The following TERC variants were observed in gnomAD, a reference collection of about 807,000 sequenced individuals.
TERC encodes the protein small Cajal body-specific RNA 19.
rs763886920 is a variant in TERC at position 169,765,017 on chromosome 3, C to T, written n.44G>A. ...TACGCCCTTCTCAGTTAGGGTTAGA[C>T]AAAAAATGGCCACCACCCCTCCCAG... On this transcript the variant is annotated non_coding_transcript_exon_variant, in exon 1 of 1. Transcript: ENST00000602385. The T allele has an allele frequency of 2.6e-6, 2 of 765,202 alleles. No homozygotes were observed. The highest frequency in any genetic ancestry group is 1.7e-5 in the African/African-American group (1 of 59,146). The allele number at this position is 765,202 out of a possible 1,614,324, so 47.4% of individuals were successfully genotyped here.
rs1777958465 is a variant in TERC at position 169,764,679 on chromosome 3, T to C, written n.382A>G. On this transcript the variant is annotated non_coding_transcript_exon_variant, in exon 1 of 1. Transcript: ENST00000602385. This position sits in a 1 kb window ranked among gnomAD's most constrained non-coding sequence, Gnocchi z 4.3. ...AATCGCGCCGCGCGCGGGGACTCGC[T>C]CCGTTCCTCTTCCTGCGGCCTGAAA... 1.3e-6 allele frequency: 1 copy of C among 760,890 alleles called. No individual in the cohort carries two copies. The highest frequency in any genetic ancestry group is 2.4e-6 in the Non-Finnish European group (1 of 415,778). The allele number at this position is 760,890 out of a possible 1,614,324, so 47.1% of individuals were successfully genotyped here.
chr3:169,764,817 G>A lies in TERC; in HGVS notation n.244C>T, dbSNP rs1304541099. ...CCGGGCCGACCGCGGCCTCCAGGCG[G>A]GGTTCGGGGGCTGGGCAGGCGACCC... On this transcript the variant is annotated non_coding_transcript_exon_variant, in exon 1 of 1. Coordinates refer to ENST00000602385, the Ensembl canonical transcript of TERC. The surrounding 1 kb of genome is among the most constrained non-coding windows in gnomAD (Gnocchi z 4.3). 2.7e-6 allele frequency: 2 copies of A among 728,400 alleles called. No homozygotes were observed. Among genetic ancestry groups the A allele is most frequent in the Non-Finnish European group, 5.0e-6 (2 of 398,844 alleles). The allele number at this position is 728,400 out of a possible 1,614,324, so 45.1% of individuals were successfully genotyped here.
rs745711557 is a variant in TERC, at chr3:169,764,968, C to G, written n.93G>C. 2 of 765,388 alleles carry G rather than the reference C, an allele frequency of 2.6e-6. No individual in the cohort carries two copies. Among genetic ancestry groups the G allele is most frequent in the African/African-American group, 1.7e-5 (1 of 59,168 alleles). 47.4% of individuals were successfully genotyped at this position (765,388 alleles called of 1,614,324 possible). ...CTGAAAGTCAGCGAGAAAAACAGCG[C>G]GCGGGGAGCAAAAGCACGGCGCCTA... On this transcript the variant is annotated non_coding_transcript_exon_variant, in exon 1 of 1. Transcript: ENST00000602385. This position sits in a 1 kb window ranked among gnomAD's most constrained non-coding sequence, Gnocchi z 4.3.
At position 169,764,765 on chromosome 3, in the gene TERC, G is replaced by A. The variant is rs2108182940; in HGVS notation, n.296C>T. 1 of 744,778 alleles carries A rather than the reference G, an allele frequency of 1.3e-6. No individual in the cohort carries two copies. Among genetic ancestry groups the A allele is most frequent in the Middle Eastern group, 2.4e-4 (1 of 4,204 alleles). 46.1% of individuals were successfully genotyped at this position (744,778 alleles called of 1,614,324 possible). A position where few individuals can be genotyped will look rare whatever the true frequency, so the allele number is the denominator to read the frequency against. On this transcript the variant is annotated non_coding_transcript_exon_variant, in exon 1 of 1. Coordinates refer to ENST00000602385, the Ensembl canonical transcript of TERC. The surrounding 1 kb of genome is among the most constrained non-coding windows in gnomAD (Gnocchi z 4.3). ...GGCTGACAGAGCCCAACTCTTCGCG[G>A]TGGCAGTGGGTGCCTCCGGAGAAGC...
rs760168757 is a variant in TERC, at chr3:169,764,862, G to A, written n.199C>T. On this transcript the variant is annotated non_coding_transcript_exon_variant, in exon 1 of 1. Transcript: ENST00000602385. The surrounding 1 kb of genome is among the most constrained non-coding windows in gnomAD (Gnocchi z 4.3). ...CGACCCGCCGCAGGTCCCCGGGAGGGGCGAACGGGCCAGCAGCTGACATTT... is the reference window on the plus strand; with the variant it reads ...CGACCCGCCGCAGGTCCCCGGGAGGAGCGAACGGGCCAGCAGCTGACATTT... 5.0e-5 allele frequency: 38 copies of A among 754,974 alleles called. No individual in the cohort carries two copies. Among genetic ancestry groups the A allele is most frequent in the South Asian group, 3.0e-4 (22 of 73,510 alleles). The allele number at this position is 754,974 out of a possible 1,614,324, so 46.8% of individuals were successfully genotyped here.
rs1777958283 is a variant in TERC, at chr3:169,764,671, G to T, written n.390C>A. On this transcript the variant is annotated non_coding_transcript_exon_variant, in exon 1 of 1. Transcript: ENST00000602385. This position sits in a 1 kb window ranked among gnomAD's most constrained non-coding sequence, Gnocchi z 4.3. ...GCTCAGGGAATCGCGCCGCGCGCGGGGACTCGCTCCGTTCCTCTTCCTGCG... is the reference window on the plus strand; with the variant it reads ...GCTCAGGGAATCGCGCCGCGCGCGGTGACTCGCTCCGTTCCTCTTCCTGCG... 1 of 753,836 alleles carries T rather than the reference G, an allele frequency of 1.3e-6. No individual in the cohort carries two copies. The highest frequency in any genetic ancestry group is 1.7e-5 in the African/African-American group (1 of 58,758). 46.7% of individuals were successfully genotyped at this position (753,836 alleles called of 1,614,324 possible).
chr3:169,764,629 T>C lies in TERC; in HGVS notation n.432A>G, dbSNP rs1479831336. On this transcript the variant is annotated non_coding_transcript_exon_variant, in exon 1 of 1. Transcript: ENST00000602385. This position sits in a 1 kb window ranked among gnomAD's most constrained non-coding sequence, Gnocchi z 4.3. ...CGAACTGCATGTGTGAGCCGAGTCC[T>C]GGGTGCACGTCCCACAGCTCAGGGA... The C allele has an allele frequency of 1.4e-6, 1 of 710,482 alleles. No homozygotes were observed. The highest frequency in any genetic ancestry group is 1.7e-5 in the African/African-American group (1 of 57,158). 44.0% of individuals were successfully genotyped at this position (710,482 alleles called of 1,614,324 possible). A position where few individuals can be genotyped will look rare whatever the true frequency, so the allele number is the denominator to read the frequency against.
rs1777961714 is a variant in TERC, at chr3:169,764,860, G to C, written n.201C>G. The C allele has an allele frequency of 1.3e-6, 1 of 753,962 alleles. No homozygotes were observed. Among genetic ancestry groups the C allele is most frequent in the Admixed American group, 1.7e-5 (1 of 57,170 alleles). The allele number at this position is 753,962 out of a possible 1,614,324, so 46.7% of individuals were successfully genotyped here. ...GGCGACCCGCCGCAGGTCCCCGGGA[G>C]GGGCGAACGGGCCAGCAGCTGACAT... is the stretch of plus-strand genomic sequence containing the variant. On this transcript the variant is annotated non_coding_transcript_exon_variant, in exon 1 of 1. Transcript: ENST00000602385. The surrounding 1 kb of genome is among the most constrained non-coding windows in gnomAD (Gnocchi z 4.3).
chr3:169,764,623 G>A lies in TERC; in HGVS notation n.438C>T, dbSNP rs1297615959. On this transcript the variant is annotated non_coding_transcript_exon_variant, in exon 1 of 1. Coordinates refer to ENST00000602385, the Ensembl canonical transcript of TERC. The surrounding 1 kb of genome is among the most constrained non-coding windows in gnomAD (Gnocchi z 4.3). ...GGAAAGCGAACTGCATGTGTGAGCC[G>A]AGTCCTGGGTGCACGTCCCACAGCT... 2 of 700,672 alleles carry A rather than the reference G, an allele frequency of 2.9e-6. No individual in the cohort carries two copies. The highest frequency in any genetic ancestry group is 3.0e-5 in the South Asian group (2 of 67,112). 43.4% of individuals were successfully genotyped at this position (700,672 alleles called of 1,614,324 possible). A position where few individuals can be genotyped will look rare whatever the true frequency, so the allele number is the denominator to read the frequency against.
rs769251104 is a variant in TERC, at chr3:169,764,859, A to AG, written n.201dup. On this transcript the variant is annotated non_coding_transcript_exon_variant, in exon 1 of 1. Coordinates refer to ENST00000602385, the Ensembl canonical transcript of TERC. The surrounding 1 kb of genome is among the most constrained non-coding windows in gnomAD (Gnocchi z 4.3). ...AGGCGACCCGCCGCAGGTCCCCGGGAGGGGCGAACGGGCCAGCAGCTGACA... is the reference window on the plus strand; with the variant it reads ...AGGCGACCCGCCGCAGGTCCCCGGGAGGGGGCGAACGGGCCAGCAGCTGACA... The AG allele has an allele frequency of 2.7e-6, 2 of 753,548 alleles. No homozygotes were observed. The highest frequency in any genetic ancestry group is 2.4e-6 in the Non-Finnish European group (1 of 412,094). 46.7% of individuals were successfully genotyped at this position (753,548 alleles called of 1,614,324 possible).
chr3:169,764,630 G>C lies in TERC; in HGVS notation n.431C>G. 1 of 711,264 alleles carries C rather than the reference G, an allele frequency of 1.4e-6. No individual in the cohort carries two copies. Among genetic ancestry groups the C allele is most frequent in the Non-Finnish European group, 2.6e-6 (1 of 389,114 alleles). 44.1% of individuals were successfully genotyped at this position (711,264 alleles called of 1,614,324 possible). On this transcript the variant is annotated non_coding_transcript_exon_variant, in exon 1 of 1. Coordinates refer to ENST00000602385, the Ensembl canonical transcript of TERC. The surrounding 1 kb of genome is among the most constrained non-coding windows in gnomAD (Gnocchi z 4.3). ...GAACTGCATGTGTGAGCCGAGTCCT[G>C]GGTGCACGTCCCACAGCTCAGGGAA... is the stretch of plus-strand genomic sequence containing the variant.
rs770092736 is a variant in TERC, at chr3:169,764,920, G to A, written n.141C>T. ...GCTCTAGAATGAACGGTGGAAGGCG[G>A]CAGGCCGAGGCTTTTCCGCCCGCTG... On this transcript the variant is annotated non_coding_transcript_exon_variant, in exon 1 of 1. Coordinates refer to ENST00000602385, the Ensembl canonical transcript of TERC. The surrounding 1 kb of genome is among the most constrained non-coding windows in gnomAD (Gnocchi z 4.3). 2.6e-6 allele frequency: 2 copies of A among 765,258 alleles called. No homozygotes were observed. Among genetic ancestry groups the A allele is most frequent in the South Asian group, 1.3e-5 (1 of 74,618 alleles). The allele number at this position is 765,258 out of a possible 1,614,324, so 47.4% of individuals were successfully genotyped here. A position where few individuals can be genotyped will look rare whatever the true frequency, so the allele number is the denominator to read the frequency against.
chr3:169,765,029 A>G lies in TERC; in HGVS notation n.32T>C, dbSNP rs1028938506. ...AGTTAGGGTTAGACAAAAAATGGCC[A>G]CCACCCCTCCCAGGCCCACCCTCCG... On this transcript the variant is annotated non_coding_transcript_exon_variant, in exon 1 of 1. Transcript: ENST00000602385. 3 of 765,026 alleles carry G rather than the reference A, an allele frequency of 3.9e-6. No homozygotes were observed. The highest frequency in any genetic ancestry group is 2.4e-5 in the East Asian group (1 of 41,248). The allele number at this position is 765,026 out of a possible 1,614,324, so 47.4% of individuals were successfully genotyped here. A position where few individuals can be genotyped will look rare whatever the true frequency, so the allele number is the denominator to read the frequency against.
At position 169,764,818 on chromosome 3, in the gene TERC, G is replaced by T; in HGVS notation, n.243C>A. 1 of 728,830 alleles carries T rather than the reference G, an allele frequency of 1.4e-6. No individual in the cohort carries two copies. The highest frequency in any genetic ancestry group is 1.9e-5 in the Admixed American group (1 of 53,024). 45.1% of individuals were successfully genotyped at this position (728,830 alleles called of 1,614,324 possible). A position where few individuals can be genotyped will look rare whatever the true frequency, so the allele number is the denominator to read the frequency against. ...CGGGCCGACCGCGGCCTCCAGGCGG[G>T]GTTCGGGGGCTGGGCAGGCGACCCG... On this transcript the variant is annotated non_coding_transcript_exon_variant, in exon 1 of 1. Coordinates refer to ENST00000602385, the Ensembl canonical transcript of TERC. This position sits in a 1 kb window ranked among gnomAD's most constrained non-coding sequence, Gnocchi z 4.3.
chr3:169,765,026 G>T lies in TERC; in HGVS notation n.35C>A, dbSNP rs199422260. ...CTCAGTTAGGGTTAGACAAAAAATG[G>T]CCACCACCCCTCCCAGGCCCACCCT... is the stretch of plus-strand genomic sequence containing the variant. On this transcript the variant is annotated non_coding_transcript_exon_variant, in exon 1 of 1. Transcript: ENST00000602385. 2 of 765,252 alleles carry T rather than the reference G, an allele frequency of 2.6e-6. No homozygotes were observed. The highest frequency in any genetic ancestry group is 1.7e-5 in the African/African-American group (1 of 59,268). The allele number at this position is 765,252 out of a possible 1,614,324, so 47.4% of individuals were successfully genotyped here.
chr3:169,764,710 G>C lies in TERC; in HGVS notation n.351C>G, dbSNP rs925088948. 12 of 760,548 alleles carry C rather than the reference G, an allele frequency of 1.6e-5. No individual in the cohort carries two copies. Among genetic ancestry groups the C allele is most frequent in the Admixed American group, 6.8e-5 (4 of 58,532 alleles). 47.1% of individuals were successfully genotyped at this position (760,548 alleles called of 1,614,324 possible). A position where few individuals can be genotyped will look rare whatever the true frequency, so the allele number is the denominator to read the frequency against. ...CCTCTTCCTGCGGCCTGAAAGGCCT[G>C]AACCTCGCCCTCGCCCCCGAGAGAC... On this transcript the variant is annotated non_coding_transcript_exon_variant, in exon 1 of 1. Coordinates refer to ENST00000602385, the Ensembl canonical transcript of TERC. This position sits in a 1 kb window ranked among gnomAD's most constrained non-coding sequence, Gnocchi z 4.3.
Position 169,764,828 on chromosome 3 carries a change from C to T in TERC, n.233G>A, listed in dbSNP as rs1325097452. ...GCGGCCTCCAGGCGGGGTTCGGGGG[C>T]TGGGCAGGCGACCCGCCGCAGGTCC... On this transcript the variant is annotated non_coding_transcript_exon_variant, in exon 1 of 1. Transcript: ENST00000602385. The surrounding 1 kb of genome is among the most constrained non-coding windows in gnomAD (Gnocchi z 4.3). 2 of 728,374 alleles carry T rather than the reference C, an allele frequency of 2.7e-6. No individual in the cohort carries two copies. The highest frequency in any genetic ancestry group is 5.0e-6 in the Non-Finnish European group (2 of 398,960). The allele number at this position is 728,374 out of a possible 1,614,324, so 45.1% of individuals were successfully genotyped here.
chr3:169,764,911 T>G lies in TERC; in HGVS notation n.150A>C. The G allele has an allele frequency of 1.3e-6, 1 of 765,144 alleles. No homozygotes were observed. The highest frequency in any genetic ancestry group is 2.4e-6 in the Non-Finnish European group (1 of 417,844). The allele number at this position is 765,144 out of a possible 1,614,324, so 47.4% of individuals were successfully genotyped here. ...TTTTTGTTTGCTCTAGAATGAACGGTGGAAGGCGGCAGGCCGAGGCTTTTC... is the reference window on the plus strand; with the variant it reads ...TTTTTGTTTGCTCTAGAATGAACGGGGGAAGGCGGCAGGCCGAGGCTTTTC... On this transcript the variant is annotated non_coding_transcript_exon_variant, in exon 1 of 1. Coordinates refer to ENST00000602385, the Ensembl canonical transcript of TERC. The surrounding 1 kb of genome is among the most constrained non-coding windows in gnomAD (Gnocchi z 4.3).
chr3:169,764,868 C>T lies in TERC; in HGVS notation n.193G>A, dbSNP rs753227339. 12 of 757,260 alleles carry T rather than the reference C, an allele frequency of 1.6e-5. No individual in the cohort carries two copies. Among genetic ancestry groups the T allele is most frequent in the Admixed American group, 8.6e-5 (5 of 57,846 alleles). 46.9% of individuals were successfully genotyped at this position (757,260 alleles called of 1,614,324 possible). A position where few individuals can be genotyped will look rare whatever the true frequency, so the allele number is the denominator to read the frequency against. ...GCCGCAGGTCCCCGGGAGGGGCGAA[C>T]GGGCCAGCAGCTGACATTTTTTGTT... is the stretch of plus-strand genomic sequence containing the variant. On this transcript the variant is annotated non_coding_transcript_exon_variant, in exon 1 of 1. Coordinates refer to ENST00000602385, the Ensembl canonical transcript of TERC. The surrounding 1 kb of genome is among the most constrained non-coding windows in gnomAD (Gnocchi z 4.3).
Sources: gnomAD v4.1 joint callset for allele counts on GRCh38, gnomAD v4.1.1 for gene constraint, Gnocchi (gnomAD v3.1) non-coding constraint, MANE v1.5 for transcripts, NCBI Gene and HGNC (gene_info 2026-07-23, HGNC 2026-07-21) for gene names.